Variants in FAM120A observed in about 807,000 individuals in gnomAD.
FAM120A encodes family with sequence similarity 120 member A.
Under a neutral mutation model 109.7 loss-of-function variants are expected in FAM120A, and 15 were observed. The ratio of observed to expected loss-of-function variants is 0.14; its 90% CI spans 0.09 to 0.21. The LOEUF is 0.21. Ranked by LOEUF, FAM120A falls within the 10% of genes least tolerant of loss-of-function variation. The pLI is 1.00. For synonymous variants in FAM120A, 493 were observed against 572.8 expected (o/e 0.86, Z 1.99); for missense variants, 899 against 1,439.3 (o/e 0.62, Z 6.07).
chr9:93,456,956 C>T (rs1208750094), intron 1 of FAM120A, among the ~76,000 whole-genome samples: 2 of 152,122 alleles, frequency 1.3e-5, no homozygotes, highest in South Asian at 2.1e-4. Context: ...CATATTATAC[C>T]TCAAACTAGT....
chr9:93,510,767 G>A (rs1018848394), intron 5 of FAM120A, among the ~76,000 whole-genome samples: 3 of 151,948 alleles, frequency 2.0e-5, no homozygotes, highest in Non-Finnish European at 4.4e-5. Context: ...GAGATGTAAT[G>A]TTCCTATTCT....
At chr9:93,484,124 A>C (rs536056669) in intron 3 of FAM120A, among the ~76,000 whole-genome samples, 31 of 151,598 alleles carry the variant, frequency 2.0e-4, no homozygotes, top group African/African-American at 7.0e-4. Flanking sequence ...GATCATGTGC[A>C]GTACAGACGC....
At chr9:93,523,375 T>G (rs1454478040) in intron 7 of FAM120A, 1 of 1,254,456 alleles carries the variant, frequency 8.0e-7, no homozygotes, top group Non-Finnish European at 1.0e-6. Flanking sequence ...TAGGTAGGCC[T>G]GGGGCTGAGG....
chr9:93,540,717 A>G (rs751832985), intron 10 of FAM120A, among the ~76,000 whole-genome samples: 2 of 152,112 alleles, frequency 1.3e-5, no homozygotes, highest in African/African-American at 4.8e-5. Context: ...GCTGGAGTGC[A>G]TATTTCTGAG....
In FAM120A at chr9:93,497,520, C is replaced by T; in HGVS notation, c.854C>T (p.Ala285Val). The T allele has an allele frequency of 6.2e-7, 1 of 1,613,676 alleles. No homozygotes were observed. The highest frequency in any genetic ancestry group is 8.5e-7 in the Non-Finnish European group (1 of 1,179,864). The change falls in exon 4 of 18, where the codon GCC becomes GTC. Residue 285 changes from alanine (A) to valine (V), a missense_variant. Ala to Val is a moderately conservative substitution (Grantham distance 64). Transcript: ENST00000277165. Reference sequence around the variant, plus strand: ...CCACCTTGCGACGTAGTGATCAAAGCCGTTGCTGACTATGTACGCAACATT... The same window carrying T: ...CCACCTTGCGACGTAGTGATCAAAGTCGTTGCTGACTATGTACGCAACATT... The part of the protein sequence containing the change: ...VLPPCDVVIK[A>V]VADYVRNIQD...
intron 10 of FAM120A, 35 bp from the exon 11 acceptor site, chr9:93,543,187 A>G (rs747888696): frequency 2.9e-5 from 47 of 1,606,626 alleles, no homozygotes; most frequent in Non-Finnish European, 3.7e-5. Flanking sequence ...TGAATGATGC[A>G]TGAATGTGTC....
intron 3 of FAM120A, among the ~76,000 whole-genome samples, chr9:93,490,870 C>G (rs1241837833): frequency 1.3e-5 from 2 of 152,208 alleles, no homozygotes; most frequent in Non-Finnish European, 2.9e-5. Context: ...TCTTTTCTGT[C>G]TGGAGTAGTC....
rs768374384 is a variant in FAM120A, at chr9:93,497,519, G to A, written c.853G>A (p.Ala285Thr). The change falls in exon 4 of 18, where the codon GCC becomes ACC. Residue 285 changes from alanine (A) to threonine (T), a missense_variant. Ala to Thr is a moderately conservative substitution (Grantham distance 58, BLOSUM62 0). Transcript: ENST00000277165. The part of the protein sequence containing the change: ...VLPPCDVVIK[A>T]VADYVRNIQD... Reference sequence around the variant, plus strand: ...GCCACCTTGCGACGTAGTGATCAAAGCCGTTGCTGACTATGTACGCAACAT... The same window carrying A: ...GCCACCTTGCGACGTAGTGATCAAAACCGTTGCTGACTATGTACGCAACAT... 1.2e-6 allele frequency: 2 copies of A among 1,613,602 alleles called. No homozygotes were observed. Among genetic ancestry groups the A allele is most frequent in the Admixed American group, 3.3e-5 (2 of 59,906 alleles).
intron 5 of FAM120A, among the ~76,000 whole-genome samples, chr9:93,504,634 T>A (rs1211749088): frequency 6.6e-6 from 1 of 152,246 alleles, no homozygotes; most frequent in Non-Finnish European, 1.5e-5. Context: ...TTGGCATAGT[T>A]CATTTTTTAA....
intron 2 of FAM120A, 141 bp downstream of exon 2, chr9:93,471,528 A>C: frequency 9.5e-7 from 1 of 1,050,824 alleles, no homozygotes; most frequent in Admixed American, 2.4e-5. Flanking sequence ...CTTCCTTAGC[A>C]TTCCTTGCTT....
intron 5 of FAM120A, among the ~76,000 whole-genome samples, chr9:93,511,873 G>T (rs1248083804): frequency 6.6e-6 from 1 of 152,176 alleles, no homozygotes; most frequent in African/African-American, 2.4e-5. Context: ...GCTGATTACA[G>T]CCTCTGCCTC....
At chr9:93,543,951 A>G (rs2131520781) in intron 11 of FAM120A, among the ~76,000 whole-genome samples, 1 of 152,362 alleles carries the variant, frequency 6.6e-6, no homozygotes, top group South Asian at 2.1e-4. Flanking sequence ...TAGAGTATAT[A>G]CAAACACGGC....
chr9:93,491,437 T>C (rs987029923), intron 3 of FAM120A, among the ~76,000 whole-genome samples: 2 of 152,184 alleles, frequency 1.3e-5, no homozygotes, highest in African/African-American at 4.8e-5. Context: ...CTGCAGAACA[T>C]GTTTTTCAGT....
chr9:93,528,622 G>A (rs1336998419), intron 8 of FAM120A, among the ~76,000 whole-genome samples: 1 of 152,176 alleles, frequency 6.6e-6, no homozygotes, highest in Non-Finnish European at 1.5e-5. Context: ...AGTTGTTACA[G>A]AATGGGTGTT....
chr9:93,529,565 C>T lies in FAM120A; in HGVS notation c.1719C>T (p.Phe573=), dbSNP rs758332800. 11 of 1,614,106 alleles carry T rather than the reference C, an allele frequency of 6.8e-6. No homozygotes were observed. The African/African-American group carries it at 1.3e-4, about 20-fold the overall frequency. ...AGGGGCTGATGTACCCCTACATCTT[C>T]CATGTCCTGACGAAGGTATTATCAA... ...HKKGLMYPYI[F]HVLTKGEIKI... Residue 573 remains phenylalanine, a synonymous_variant, in exon 9 of 18, where the codon TTC becomes TTT. Transcript: ENST00000277165.
Position 93,452,031 on chromosome 9 carries a change from C to A in FAM120A, c.116C>A (p.Pro39His). 6.4e-7 allele frequency: 1 copy of A among 1,564,558 alleles called. No homozygotes were observed. The change falls in exon 1 of 18, where the codon CCC (proline) becomes CAC (histidine). Residue 39 changes from proline (P) to histidine (H), a missense_variant. Pro to His is a moderately conservative substitution (Grantham distance 77). Around this residue, in one of 11 missense-constraint regions of FAM120A, gnomAD observed 258 missense variants for 451.4 expected, o/e 0.57. Coordinates refer to ENST00000277165, the MANE Select transcript of FAM120A (RefSeq NM_014612.5). The surrounding 1 kb of genome is among the most constrained non-coding windows in gnomAD (Gnocchi z 7.0). ...CTGGTGGGCGGCGGGCGGCAGCGGC[C>A]CCCGCAGACCCCGCTGCGCCTGCTG... ...GSLVGGGRQR[P>H]PQTPLRLLVD...
At chr9:93,511,433 T>C (rs983375422) in intron 5 of FAM120A, among the ~76,000 whole-genome samples, 6 of 152,224 alleles carry the variant, frequency 3.9e-5, no homozygotes, top group African/African-American at 1.2e-4. Context: ...AGTCCAGGCT[T>C]GGCCAGCCTG....
At position 93,529,454 on chromosome 9, in the gene FAM120A, C is replaced by T. The variant is rs1861232936; in HGVS notation, c.1608C>T (p.Pro536=). The T allele has an allele frequency of 6.2e-7, 1 of 1,614,232 alleles. No homozygotes were observed. Among genetic ancestry groups the T allele is most frequent in the Non-Finnish European group, 8.5e-7 (1 of 1,180,034 alleles). The part of the protein sequence containing the change: ...VQPIPCLLSM[P]TRNHMDITTP... ...CAATCCCGTGCCTCCTGTCGATGCCCACCAGGAACCACATGGACATCACCA... is the reference window on the plus strand; with the variant it reads ...CAATCCCGTGCCTCCTGTCGATGCCTACCAGGAACCACATGGACATCACCA... Residue 536 remains proline (P), a synonymous_variant, in exon 9 of 18, where the codon CCC becomes CCT. Coordinates refer to ENST00000277165, the MANE Select transcript of FAM120A (RefSeq NM_014612.5).
Position 93,468,721 on chromosome 9 carries a change from C to T in FAM120A, c.475-2420C>T, listed in dbSNP as rs181899696. On this transcript the variant is annotated intron_variant, in intron 1 of 17. Transcript: ENST00000277165. Reference sequence around the variant, plus strand: ...ACAGCGTAGTGGCTGTGTCTATCTCCGTAATTTATTTTTTTCCCTTAGGAG... The same window carrying T: ...ACAGCGTAGTGGCTGTGTCTATCTCTGTAATTTATTTTTTTCCCTTAGGAG... Among the ~76,000 whole-genome samples, 657 of 152,264 alleles carry T rather than the reference C, an allele frequency of 4.3e-3. 8 individuals carry two copies. The highest frequency in any genetic ancestry group is 0.015 in the African/African-American group (631 of 41,550).
Sources: gnomAD v4.1 joint callset for allele counts (sites outside exome capture counted in the v4.1 genomes callset) on GRCh38, gnomAD v4.1.1 for gene constraint, gnomAD v4.1.1 regional missense constraint, Gnocchi (gnomAD v3.1) non-coding constraint, MANE v1.5 for transcripts, NCBI Gene and HGNC (gene_info 2026-07-23, HGNC 2026-07-21) for gene names.